The following EPS8 variants were observed in gnomAD, a reference collection of about 807,000 sequenced individuals.
The protein encoded by EPS8 is epidermal growth factor receptor kinase substrate 8.
EPS8 carries 42 observed loss-of-function variants against 103.8 expected under a neutral mutation model. The observed-to-expected ratio is 0.40, with a 90% CI of 0.32 to 0.52. The LOEUF (loss-of-function observed/expected upper bound fraction) is 0.52, where lower values mean the gene tolerates loss of function less well. Among genes scored for constraint, EPS8 ranks in the 20% least tolerant of loss-of-function variants. The pLI is 0.40. For synonymous variants in EPS8, 344 were observed against 344.6 expected, an observed-to-expected ratio of 1.00 and a Z score of 0.02; for missense variants, 969 against 1,005.1, an observed-to-expected ratio of 0.96 and a Z score of 0.49.
rs1946893157 is a variant in EPS8, at chr12:15,748,005, G to A, written c.-22+41156C>T. On this transcript the variant is annotated intron_variant, in intron 1 of 20. Transcript: ENST00000281172. The surrounding 1 kb of genome is among the most constrained non-coding windows in gnomAD (Gnocchi z 4.8). ...ACTGCACTCCAGCCTTGGCAACAGA[G>A]CAAGACTCCATCTCAAAATCAAAAA... Among the ~76,000 whole-genome samples, 1 of 152,076 alleles carries A rather than the reference G, an allele frequency of 6.6e-6. No homozygotes were observed. Among genetic ancestry groups the A allele is most frequent in the Admixed American group, 6.5e-5 (1 of 15,288 alleles).
chr12:15,670,496 T>C (rs1476609484), intron 4 of EPS8, among the ~76,000 whole-genome samples: 3 of 152,134 alleles, frequency 2.0e-5, no homozygotes, highest in Non-Finnish European at 4.4e-5. Context: ...ATTATTTAAC[T>C]AGAACTGGCA....
chr12:15,641,144 C>A (rs1945221772), intron 16 of EPS8, among the ~76,000 whole-genome samples: 1 of 152,042 alleles, frequency 6.6e-6, no homozygotes, highest in Non-Finnish European at 1.5e-5. Context: ...TAAAATGACT[C>A]TTTTGGAAAG....
At chr12:15,703,087 T>C (rs1946332579) in intron 1 of EPS8, among the ~76,000 whole-genome samples, 1 of 152,168 alleles carries the variant, frequency 6.6e-6, no homozygotes, top group Non-Finnish European at 1.5e-5. Context: ...AGGTGGAAGT[T>C]GCAGTGAGCC....
At chr12:15,629,560 A>G (rs1169526625) in intron 18 of EPS8, among the ~76,000 whole-genome samples, 2 of 152,220 alleles carry the variant, frequency 1.3e-5, no homozygotes, top group Non-Finnish European at 2.9e-5. Context: ...AACTCCACAT[A>G]ATTTTAAAAA....
At chr12:15,743,122 A>G (rs918114642) in intron 1 of EPS8, among the ~76,000 whole-genome samples, 5 of 152,192 alleles carry the variant, frequency 3.3e-5, no homozygotes, top group Non-Finnish European at 7.3e-5. Flanking sequence ...CCAATAACAG[A>G]CAAACAGAGA....
chr12:15,712,487 C>T (rs1369184655), intron 1 of EPS8, among the ~76,000 whole-genome samples: 1 of 152,200 alleles, frequency 6.6e-6, no homozygotes, highest in Non-Finnish European at 1.5e-5. Context: ...ATTTTTTAAA[C>T]ATTTCGTATA....
At chr12:15,666,349 C>T in intron 7 of EPS8, 91 bp downstream of exon 7, 1 of 913,206 alleles carries the variant, frequency 1.1e-6, no homozygotes, top group Middle Eastern at 2.2e-4. Flanking sequence ...CAATAATATA[C>T]TTCCATAGAA....
At chr12:15,645,427 CTT>C (rs1945303981) in intron 15 of EPS8, among the ~76,000 whole-genome samples, 1 of 2,802 alleles carries the variant, frequency 3.6e-4, no homozygotes, top group Admixed American at 0.017. Context: ...TCCCTCTTAA[CTT>C]CTTAATTTTA....
chr12:15,681,728 CAAAAAAAAA>C (rs71042267), intron 2 of EPS8, among the ~76,000 whole-genome samples: 2 of 39,228 alleles, frequency 5.1e-5, no homozygotes, highest in South Asian at 1.1e-3. Context: ...GACTCTGTCT[CAAAAAAAAA>C]AAAAAAAAAA....
intron 1 of EPS8, among the ~76,000 whole-genome samples, chr12:15,703,544 A>G (rs535497099): frequency 7.9e-5 from 12 of 152,262 alleles, no homozygotes; most frequent in African/African-American, 2.9e-4. Flanking sequence ...TGAGATATTC[A>G]GTGTGGCTGC....
At chr12:15,632,224 T>C (rs919226107) in intron 17 of EPS8, among the ~76,000 whole-genome samples, 2 of 152,180 alleles carry the variant, frequency 1.3e-5, no homozygotes, top group Non-Finnish European at 1.5e-5. Flanking sequence ...AAAATGGAAA[T>C]GTCACGGGGT....
In EPS8 at chr12:15,681,276, GA is replaced by G; in HGVS notation, c.85del (p.Ser29ProfsTer42). On this transcript the variant is annotated frameshift_variant, in exon 3 of 21. Transcript: ENST00000281172. LOFTEE classifies it high-confidence loss of function. Reference protein sequence around the residue: ...MNGYGSSPTFSQTDREHGSKT... With the variant: ...MNGYGSSPTFXQTDREHGSKT... ...TGAACCATGTTCTCTGTCCGTCTGG[GA>G]AAAGGTAGGTGATGATCCGTAGCCA... 6.5e-6 allele frequency: 10 copies of G among 1,546,104 alleles called. No homozygotes were observed. The highest frequency in any genetic ancestry group is 3.6e-5 in the South Asian group (3 of 82,552).
intron 1 of EPS8, among the ~76,000 whole-genome samples, chr12:15,715,588 G>A (rs1480935945): frequency 2.6e-5 from 4 of 151,740 alleles, no homozygotes; most frequent in Non-Finnish European, 5.9e-5. Context: ...GTTTCACCAT[G>A]TTGACCAGGC....
intron 6 of EPS8, among the ~76,000 whole-genome samples, chr12:15,667,112 A>G (rs1048075512): frequency 6.6e-5 from 10 of 152,198 alleles, no homozygotes; most frequent in African/African-American, 2.4e-4. Context: ...GCAACGTGAG[A>G]TTAGCAGATA....
chr12:15,768,429 CA>C (rs71042268), intron 1 of EPS8, among the ~76,000 whole-genome samples: 408 of 24,838 alleles, frequency 0.016, no homozygotes, highest in Admixed American at 0.039. Context: ...GACTCCATCT[CA>C]AAAAAAAAAA....
chr12:15,637,102 C>T (rs920462047), intron 17 of EPS8, among the ~76,000 whole-genome samples: 58 of 152,230 alleles, frequency 3.8e-4, no homozygotes, highest in Non-Finnish European at 5.9e-5. Flanking sequence ...CTCACCGCAT[C>T]CCCTGCCTCC....
At chr12:15,657,927 C>A in intron 12 of EPS8, 152 bp downstream of exon 12, 4 of 613,616 alleles carry the variant, frequency 6.5e-6, no homozygotes, top group South Asian at 5.4e-5. Flanking sequence ...CTTTTAAATT[C>A]TCAAATTTTA....
intron 18 of EPS8, among the ~76,000 whole-genome samples, chr12:15,625,411 C>G (rs1944928547): frequency 6.6e-6 from 1 of 152,126 alleles, no homozygotes; most frequent in African/African-American, 2.4e-5. Flanking sequence ...TAAACAAGTC[C>G]TTTTTACCAT....
chr12:15,765,895 C>A (rs1947089678), intron 1 of EPS8, among the ~76,000 whole-genome samples: 1 of 148,662 alleles, frequency 6.7e-6, no homozygotes, highest in South Asian at 2.2e-4. Context: ...CTCACTGCAA[C>A]CTCTGCCTCC....
Sources: gnomAD v4.1 joint callset for allele counts (sites outside exome capture counted in the v4.1 genomes callset) on GRCh38, gnomAD v4.1.1 for gene constraint, Gnocchi (gnomAD v3.1) non-coding constraint, MANE v1.5 for transcripts, NCBI Gene and HGNC (gene_info 2026-07-23, HGNC 2026-07-21) for gene names.